Variants in HECTD4 observed in about 807,000 individuals in gnomAD.
HECTD4 encodes the protein HECT domain E3 ubiquitin protein ligase 4, also known as probable E3 ubiquitin-protein ligase HECTD4.
HECTD4 carries 114 observed loss-of-function variants against 471.5 expected under a neutral mutation model. The ratio of observed to expected loss-of-function variants is 0.24; its 90% confidence interval spans 0.21 to 0.28. The LOEUF (loss-of-function observed/expected upper bound fraction) is 0.28. HECTD4 is among the 10% of genes least tolerant of loss of function. The pLI, the probability that HECTD4 is intolerant of heterozygous loss-of-function variation, is 1.00. For missense variants in HECTD4, 3,866 were observed against 5,651.5 expected (o/e 0.68, Z 10.13); for synonymous variants, 2,012 against 2,256.0 (o/e 0.89, Z 3.07).
intron 54 of HECTD4, 96 bp downstream of exon 54, chr12:112,203,540 A>G (rs2032490398): frequency 2.0e-6 from 2 of 1,006,894 alleles, no homozygotes; most frequent in Admixed American, 3.1e-5. Flanking sequence ...AGAGAAACTC[A>G]TCTGTATAAT....
chr12:112,232,379 C>T (rs2033402606), intron 38 of HECTD4, among the ~76,000 whole-genome samples: 1 of 152,188 alleles, frequency 6.6e-6, no homozygotes, highest in African/African-American at 2.4e-5. Context: ...ATCCACCTGC[C>T]TTGGTGTCTC....
At chr12:112,178,457 T>C (rs1448213743) in intron 64 of HECTD4, among the ~76,000 whole-genome samples, 1 of 152,258 alleles carries the variant, frequency 6.6e-6, no homozygotes, top group Non-Finnish European at 1.5e-5. Context: ...GGTCAGAATC[T>C]GACCACACTT....
intron 44 of HECTD4, among the ~76,000 whole-genome samples, chr12:112,220,743 G>C (rs1462236337): frequency 6.6e-6 from 1 of 152,146 alleles, no homozygotes; most frequent in Non-Finnish European, 1.5e-5. Flanking sequence ...GTTGCAGTGA[G>C]CTGACATCAT....
intron 9 of HECTD4, among the ~76,000 whole-genome samples, chr12:112,276,810 C>T (rs574651366): frequency 6.6e-6 from 1 of 152,118 alleles, no homozygotes; most frequent in Non-Finnish European, 1.5e-5. Flanking sequence ...AGAAGGTATA[C>T]AAATGGCCAA....
chr12:112,263,987 A>G lies in HECTD4; in HGVS notation c.2748+97T>C, dbSNP rs2034209929. The G allele has an allele frequency of 4.3e-6, 5 of 1,166,180 alleles. No individual in the cohort carries two copies. In the African/African-American group the frequency reaches 6.2e-5, roughly 15 times the overall value. 72.2% of individuals were successfully genotyped at this position (1,166,180 alleles called of 1,614,324 possible). On this transcript the variant is annotated intron_variant, in intron 17 of 75. Coordinates refer to ENST00000682272, the MANE Select transcript of HECTD4 (RefSeq NM_001388303.1). ...ACCTCTCACAAGAATATAAGCCACA[A>G]GGTGAATTCTGACATCATAAAACAC...
At chr12:112,301,951 A>G in intron 7 of HECTD4, 1 of 873,428 alleles carries the variant, frequency 1.1e-6, no homozygotes, top group Non-Finnish European at 1.9e-6. Context: ...GACCCAAGAT[A>G]TTGCCTCCCC....
intron 44 of HECTD4, among the ~76,000 whole-genome samples, chr12:112,225,166 T>C (rs2033199606): frequency 6.6e-6 from 1 of 151,936 alleles, no homozygotes. Context: ...GAAAGAGATG[T>C]GAGAAGTAAA....
At chr12:112,286,536 C>A (rs560947122) in intron 7 of HECTD4, among the ~76,000 whole-genome samples, 9 of 152,094 alleles carry the variant, frequency 5.9e-5, no homozygotes, top group African/African-American at 2.2e-4. Flanking sequence ...CACATACACA[C>A]ACAAAATTAT....
chr12:112,172,887 G>A, intron 66 of HECTD4, 26 bp from the exon 67 acceptor site: 1 of 1,597,714 alleles, frequency 6.3e-7, no homozygotes, highest in Non-Finnish European at 8.6e-7. Context: ...GGGGGAGAGG[G>A]GCAAAGTGAG....
chr12:112,370,526 G>C (rs183947643), intron 1 of HECTD4, among the ~76,000 whole-genome samples: 1 of 152,082 alleles, frequency 6.6e-6, no homozygotes. Context: ...ACATATCCTT[G>C]AGTTTAAAAA....
chr12:112,276,207 A>AG lies in HECTD4; in HGVS notation c.1688-1248_1688-1247insC, dbSNP rs1360736055. Among the ~76,000 whole-genome samples the AG allele has an allele frequency of 2.0e-5, 3 of 152,332 alleles. No individual in the cohort carries two copies. In the East Asian group the frequency reaches 5.8e-4, roughly 29 times the overall value. On this transcript the variant is annotated intron_variant, in intron 9 of 75. Coordinates refer to ENST00000682272, the MANE Select transcript of HECTD4 (RefSeq NM_001388303.1). ...GGACACAGAAGGAATTTAAGCATTT[A>AG]CTGATTTGTTGCACTAAAGCAGAAT...
chr12:112,163,445 A>G lies in HECTD4; in HGVS notation c.12897+97T>C. The stretch of plus-strand genomic sequence containing the variant: ...TCTGTGGCAAGGACAGAGCTGAGAC[A>G]GGCCACTGCCGATGCCTGCTGCTGG... On this transcript the variant is annotated intron_variant, in intron 74 of 75. Coordinates refer to ENST00000682272, the MANE Select transcript of HECTD4 (RefSeq NM_001388303.1). The surrounding 1 kb of genome is among the most constrained non-coding windows in gnomAD (Gnocchi z 8.2). The G allele has an allele frequency of 8.7e-7, 1 of 1,152,382 alleles. No individual in the cohort carries two copies. The highest frequency in any genetic ancestry group is 1.6e-5 in the South Asian group (1 of 61,532). The allele number at this position is 1,152,382 out of a possible 1,614,324, so 71.4% of individuals were successfully genotyped here.
At chr12:112,204,368 C>T in intron 53 of HECTD4, 118 bp downstream of exon 53, 10 of 1,002,812 alleles carry the variant, frequency 1.0e-5, no homozygotes, top group Non-Finnish European at 1.5e-5. Context: ...GAGGTTAGCC[C>T]AGTCGGAGTA....
intron 58 of HECTD4, 144 bp downstream of exon 58, chr12:112,192,917 C>T: frequency 8.1e-7 from 1 of 1,238,460 alleles, no homozygotes; most frequent in African/African-American, 1.5e-5. Flanking sequence ...TAGACTAATT[C>T]CCCAAACATA....
chr12:112,363,352 C>T (rs1247982614), intron 1 of HECTD4, among the ~76,000 whole-genome samples: 1 of 152,026 alleles, frequency 6.6e-6, no homozygotes, highest in Admixed American at 6.6e-5. Flanking sequence ...ATCCTCCCAT[C>T]TCGGCCTCCC....
intron 4 of HECTD4, among the ~76,000 whole-genome samples, chr12:112,310,604 C>A (rs139746456): frequency 9.5e-4 from 145 of 152,272 alleles, no homozygotes; most frequent in African/African-American, 3.1e-3. Flanking sequence ...CAATGTCACA[C>A]CGTCAAATTA....
At chr12:112,329,409 C>T (rs1487038536) in intron 1 of HECTD4, among the ~76,000 whole-genome samples, 1 of 150,408 alleles carries the variant, frequency 6.6e-6, no homozygotes, top group Non-Finnish European at 1.5e-5. Flanking sequence ...GCTCTGTTGC[C>T]CAGGCTGGAG....
At chr12:112,367,574 C>T (rs961434383) in intron 1 of HECTD4, among the ~76,000 whole-genome samples, 2 of 151,836 alleles carry the variant, frequency 1.3e-5, no homozygotes, top group African/African-American at 2.4e-5. Flanking sequence ...AATTCCAGCA[C>T]TTTGGGAGGT....
chr12:112,209,286 T>C (rs1442938333), intron 50 of HECTD4, among the ~76,000 whole-genome samples: 3 of 152,190 alleles, frequency 2.0e-5, no homozygotes. Context: ...TGAGCTGTTT[T>C]ATTTAATTTT....
Sources: allele counts gnomAD v4.1 joint callset (sites outside exome capture counted in the v4.1 genomes callset), GRCh38; gene constraint gnomAD v4.1.1; non-coding constraint Gnocchi (gnomAD v3.1); transcripts MANE v1.5; gene names NCBI Gene and HGNC (gene_info 2026-07-23, HGNC 2026-07-21).